Variants in MRPL45 observed in about 807,000 individuals in gnomAD.
The protein encoded by MRPL45 is mitochondrial ribosomal protein L45.
Under a neutral mutation model 38.1 loss-of-function variants are expected in MRPL45, and 20 were observed. That is an observed-to-expected ratio of 0.53 (90% CI 0.37 to 0.76). The LOEUF (loss-of-function observed/expected upper bound fraction) is 0.76, where lower values mean the gene tolerates loss of function less well. Ranked by LOEUF, MRPL45 falls within the 30% of genes least tolerant of loss-of-function variation. The pLI is 0.00. For missense variants in MRPL45, 337 were observed against 395.6 expected (o/e 0.85, Z 1.26); for synonymous variants, 105 against 128.8 (o/e 0.82, Z 1.25).
chr17:38,317,655 T>C (rs1017787731), intron 4 of MRPL45, among the ~76,000 whole-genome samples: 2 of 152,086 alleles, frequency 1.3e-5, no homozygotes, highest in African/African-American at 2.4e-5. Flanking sequence ...CACCGCAACC[T>C]CCGCCTCCCG....
intron 6 of MRPL45, among the ~76,000 whole-genome samples, chr17:38,321,826 T>C (rs775930538): frequency 6.6e-6 from 1 of 150,764 alleles, no homozygotes; most frequent in African/African-American, 2.4e-5. Context: ...AGGTCAGGAG[T>C]TGGACAGCTG....
rs71384213 is a variant in MRPL45, at chr17:38,310,496, T to C, written c.461+3865T>C. Among the ~76,000 whole-genome samples the C allele has an allele frequency of 9.3e-3, 1,422 of 152,190 alleles. 16 individuals are homozygous for C. Among genetic ancestry groups the C allele is most frequent in the Middle Eastern group, 0.037 (11 of 294 alleles). On this transcript the variant is annotated intron_variant, in intron 4 of 7. Transcript: ENST00000613675. ...GGTGCACACCATGATGCCCAGCTAA[T>C]TTTTGTATTTTTAGTAGAAATGGCA...
At position 38,297,176 on chromosome 17, in the gene MRPL45, G is replaced by A; in HGVS notation, c.-8G>A. The stretch of plus-strand genomic sequence containing the variant: ...AGCTCCCTTCCCGGCGGCCTTTGCG[G>A]GAACAAGATGGCAGCCCCCATACCT... On this transcript the variant is annotated 5_prime_UTR_variant, in exon 1 of 8. Transcript: ENST00000613675. 1 of 1,614,142 alleles carries A rather than the reference G, an allele frequency of 6.2e-7. No individual in the cohort carries two copies.
At chr17:38,312,441 G>A (rs916769482) in intron 4 of MRPL45, among the ~76,000 whole-genome samples, 3 of 152,170 alleles carry the variant, frequency 2.0e-5, no homozygotes, top group Non-Finnish European at 2.9e-5. Flanking sequence ...CATTCAGGTT[G>A]TTTCCACCTT....
At chr17:38,298,397 A>T (rs2144196273) in intron 1 of MRPL45, 52 bp from the exon 2 acceptor site, 2 of 1,317,810 alleles carry the variant, frequency 1.5e-6, no homozygotes, top group East Asian at 4.7e-5. Context: ...TAGAGTTTGT[A>T]AAAGATAGTA....
At position 38,320,756 on chromosome 17, in the gene MRPL45, C is replaced by A; in HGVS notation, c.649C>A (p.His217Asn). Residue 217 changes from histidine (H) to asparagine (N), a missense_variant, in exon 6 of 8, where the codon CAC becomes AAC. His to Asn is a moderately conservative substitution (Grantham distance 68). This residue lies in a region of MRPL45 where 251 missense variants were observed against 269.1 expected (regional missense o/e 0.93). Coordinates refer to ENST00000613675, the MANE Select transcript of MRPL45 (RefSeq NM_032351.6). ...NVYGQITVRM[H>N]TRQTLAIYDR... The stretch of plus-strand genomic sequence containing the variant: ...GTACGGCCAGATCACCGTACGCATG[C>A]ACACCCGGCAGGTAGAGGCACTCGT... The A allele has an allele frequency of 6.2e-7, 1 of 1,613,982 alleles. No homozygotes were observed. Among genetic ancestry groups the A allele is most frequent in the South Asian group, 1.1e-5 (1 of 91,064 alleles).
chr17:38,320,805 C>G, intron 6 of MRPL45, 38 bp downstream of exon 6: 1 of 1,609,198 alleles, frequency 6.2e-7, no homozygotes, highest in Non-Finnish European at 8.5e-7. Flanking sequence ...AGCTTTTTTT[C>G]ACTCTGAGCT....
chr17:38,304,753 A>G (rs550928780), intron 3 of MRPL45, among the ~76,000 whole-genome samples: 1 of 152,216 alleles, frequency 6.6e-6, no homozygotes, highest in South Asian at 2.1e-4. Flanking sequence ...CATATTGGCC[A>G]GGCCAGTCTC....
intron 4 of MRPL45, among the ~76,000 whole-genome samples, 182 bp downstream of exon 4, chr17:38,306,813 C>T (rs956692308): frequency 6.6e-6 from 1 of 152,152 alleles, no homozygotes; most frequent in Non-Finnish European, 1.5e-5. Flanking sequence ...GTCTTTCACT[C>T]CCCTCTCTGC....
intron 3 of MRPL45, among the ~76,000 whole-genome samples, chr17:38,299,844 C>T (rs903849727): frequency 8.6e-5 from 13 of 151,658 alleles, no homozygotes; most frequent in Admixed American, 7.9e-4. Flanking sequence ...TCAAATGATC[C>T]TCCTGCCTCA....
intron 3 of MRPL45, among the ~76,000 whole-genome samples, chr17:38,305,216 C>A (rs1373047485): frequency 7.7e-6 from 1 of 129,478 alleles, no homozygotes; most frequent in Non-Finnish European, 1.7e-5. Flanking sequence ...GGCCTGTAAT[C>A]CCAGCACTTT....
chr17:38,307,302 C>T (rs192077017), intron 4 of MRPL45, among the ~76,000 whole-genome samples: 30 of 151,116 alleles, frequency 2.0e-4, no homozygotes, highest in Non-Finnish European at 4.3e-4. Context: ...TCCCAAAGTG[C>T]TAGGATTACA....
At chr17:38,318,777 G>C in intron 5 of MRPL45, 42 bp downstream of exon 5, 1 of 1,400,170 alleles carries the variant, frequency 7.1e-7, no homozygotes, top group African/African-American at 1.5e-5. Flanking sequence ...TGACTGAGTG[G>C]GCAGATTCTA....
intron 3 of MRPL45, among the ~76,000 whole-genome samples, chr17:38,300,099 A>G (rs1043610324): frequency 6.7e-6 from 1 of 149,412 alleles, no homozygotes; most frequent in African/African-American, 2.5e-5. Flanking sequence ...ACTCACTGCA[A>G]CCTCTGCCTC....
chr17:38,314,085 G>C (rs1369185214), intron 4 of MRPL45, among the ~76,000 whole-genome samples: 1 of 152,146 alleles, frequency 6.6e-6, no homozygotes, highest in African/African-American at 2.4e-5. Flanking sequence ...CCCATTTTAT[G>C]GTTTGTCTTT....
rs562658655 is a variant in MRPL45, at chr17:38,302,222, C to T, written c.362+2754C>T. On this transcript the variant is annotated intron_variant, in intron 3 of 7. Coordinates refer to ENST00000613675, the MANE Select transcript of MRPL45 (RefSeq NM_032351.6). ...GATTGTGGCTGGATGAGGTGGCTCA[C>T]AACTGTAATCCCAGCACTTTGGGAA... 1.1e-4 allele frequency among the ~76,000 whole-genome samples: 17 copies of T among 151,206 alleles called. No homozygotes were observed. The South Asian group carries it at 3.1e-3, about 28-fold the overall frequency.
intron 4 of MRPL45, among the ~76,000 whole-genome samples, chr17:38,312,149 C>G (rs1044349469): frequency 6.6e-6 from 1 of 150,964 alleles, no homozygotes; most frequent in Non-Finnish European, 1.5e-5. Flanking sequence ...TGGGTTCAAG[C>G]GATTCTCCAG....
At position 38,312,861 on chromosome 17, in the gene MRPL45, T is replaced by C. The variant is rs1283679614; in HGVS notation, c.462-5826T>C. Among the ~76,000 whole-genome samples the C allele has an allele frequency of 4.0e-5, 6 of 151,462 alleles. No individual in the cohort carries two copies. The East Asian group carries it at 1.2e-3, about 29-fold the overall frequency. On this transcript the variant is annotated intron_variant, in intron 4 of 7. Coordinates refer to ENST00000613675, the MANE Select transcript of MRPL45 (RefSeq NM_032351.6). ...ACTGTCTCAAAAAAAAAACCCTAAC[T>C]TTTTGAGGAACCACCATATGGTTTT...
intron 6 of MRPL45, among the ~76,000 whole-genome samples, chr17:38,321,367 A>C (rs1422319637): frequency 6.6e-6 from 1 of 152,222 alleles, no homozygotes; most frequent in Non-Finnish European, 1.5e-5. Context: ...TCCTAGATTC[A>C]GAATTCCGAG....
Sources: allele counts gnomAD v4.1 joint callset (sites outside exome capture counted in the v4.1 genomes callset), GRCh38; gene constraint gnomAD v4.1.1; regional missense constraint gnomAD v4.1.1; transcripts MANE v1.5; gene names NCBI Gene and HGNC (gene_info 2026-07-23, HGNC 2026-07-21).